Variants in MCCC1 observed in about 807,000 individuals in gnomAD.
MCCC1 encodes the protein methylcrotonyl-CoA carboxylase subunit 1, also known as methylcrotonoyl-CoA carboxylase subunit alpha, mitochondrial.
MCCC1 carries 64 observed loss-of-function variants against 83.8 expected under a neutral mutation model. The observed-to-expected ratio is 0.76, with a 90% CI of 0.62 to 0.94. The LOEUF (loss-of-function observed/expected upper bound fraction) is 0.94. MCCC1 is among the 40% of genes least tolerant of loss of function. The probability of loss-of-function intolerance (pLI) is 0.00; values close to 1 mark genes in which losing one functional copy is unlikely to be tolerated. For synonymous variants in MCCC1, 322 were observed against 315.4 expected (o/e 1.02, Z -0.22); for missense variants, 807 against 904.7 (o/e 0.89, Z 1.39).
intron 1 of MCCC1, among the ~76,000 whole-genome samples, chr3:183,097,651 C>T (rs1718838164): frequency 6.6e-6 from 1 of 152,150 alleles, no homozygotes; most frequent in Admixed American, 6.6e-5. Flanking sequence ...CACCTTGGAT[C>T]CCACAGTGCT....
rs150305281 is a variant in MCCC1, at chr3:183,017,281, G to A, written c.2034C>T (p.Ile678=). The change falls in exon 18 of 19, where the codon ATC becomes ATT. Residue 678 remains isoleucine (I), a synonymous_variant. Coordinates refer to ENST00000265594, the MANE Select transcript of MCCC1 (RefSeq NM_020166.5). ...ATTTCCTTACCTCCATCTTCATGGC[G>A]ATCATAACCATGAGGGAATCTCCCG... ...VKAGDSLMVM[I]AMKMEHTIKS... 103 of 1,613,580 alleles carry A rather than the reference G, an allele frequency of 6.4e-5. No individual in the cohort carries two copies. In the African/African-American group the frequency reaches 1.1e-3, roughly 17 times the overall value.
intron 4 of MCCC1, among the ~76,000 whole-genome samples, chr3:183,076,572 T>C (rs1717091170): frequency 6.6e-6 from 1 of 152,198 alleles, no homozygotes; most frequent in African/African-American, 2.4e-5. Flanking sequence ...AGAATACATT[T>C]AACTTTTCTA....
At chr3:183,097,745 C>A (rs1376306587) in intron 1 of MCCC1, among the ~76,000 whole-genome samples, 1 of 152,178 alleles carries the variant, frequency 6.6e-6, no homozygotes, top group Non-Finnish European at 1.5e-5. Flanking sequence ...CTCTAACACT[C>A]TCCAGAGTGA....
Position 183,039,136 on chromosome 3 carries a change from C to T in MCCC1, c.1268-1G>A, listed in dbSNP as rs1191868168. 1.2e-6 allele frequency: 2 copies of T among 1,614,028 alleles called. No individual in the cohort carries two copies. The highest frequency in any genetic ancestry group is 2.2e-5 in the East Asian group (1 of 44,900). Reference sequence around the variant, plus strand: ...TCATAATGCACGGAAACTTCGTCTCCTGAAATTGAAAACCACGGTAACCTC... The same window carrying T: ...TCATAATGCACGGAAACTTCGTCTCTTGAAATTGAAAACCACGGTAACCTC... On this transcript the variant is annotated splice_acceptor_variant, in intron 11 of 18. Coordinates refer to ENST00000265594, the MANE Select transcript of MCCC1 (RefSeq NM_020166.5). LOFTEE classifies it high-confidence loss of function.
intron 4 of MCCC1, among the ~76,000 whole-genome samples, chr3:183,082,469 T>C (rs1717582704): frequency 6.6e-6 from 1 of 152,206 alleles, no homozygotes; most frequent in African/African-American, 2.4e-5. Flanking sequence ...AGTCCATTGT[T>C]TACTTAAACT....
At position 183,039,107 on chromosome 3, in the gene MCCC1, G is replaced by A; in HGVS notation, c.1296C>T (p.Pro432=). The change falls in exon 12 of 19, where the codon CCC becomes CCT. Residue 432 remains proline (P), a synonymous_variant. Transcript: ENST00000265594. The part of the protein sequence containing the change: ...QGDEVSVHYD[P]MIAKLVVWAA... ...CCCACACGACCAGCTTCGCAATCAT[G>A]GGGTCATAATGCACGGAAACTTCGT... 1 of 1,614,204 alleles carries A rather than the reference G, an allele frequency of 6.2e-7. No homozygotes were observed. The highest frequency in any genetic ancestry group is 1.1e-5 in the South Asian group (1 of 91,080).
intron 7 of MCCC1, among the ~76,000 whole-genome samples, chr3:183,065,556 C>T (rs2314737): frequency 0.56 from 84,230 of 151,552 alleles, 28,702 homozygotes; most frequent in Non-Finnish European, 0.76. Flanking sequence ...AAGTGAAATG[C>T]GTTTTTTTTG....
intron 2 of MCCC1, among the ~76,000 whole-genome samples, chr3:183,094,072 G>A (rs1415721969): frequency 2.9e-5 from 4 of 137,096 alleles, no homozygotes; most frequent in African/African-American, 8.3e-5. Context: ...TTTTTGAGAC[G>A]AAGTCTTGCT....
At chr3:183,105,073 G>T (rs1221035525) in intron 1 of MCCC1, among the ~76,000 whole-genome samples, 2 of 152,212 alleles carry the variant, frequency 1.3e-5, no homozygotes, top group African/African-American at 4.8e-5. Flanking sequence ...GGCCGGGTGT[G>T]GTGGCTCACG....
At chr3:183,041,431 C>G in intron 11 of MCCC1, 136 bp downstream of exon 11, 1 of 955,594 alleles carries the variant, frequency 1.0e-6, no homozygotes, top group Non-Finnish European at 1.6e-6. Flanking sequence ...GTAATGGTTA[C>G]TGAGAAATCA....
intron 16 of MCCC1, among the ~76,000 whole-genome samples, chr3:183,020,785 C>T (rs1167315128): frequency 6.6e-6 from 1 of 152,168 alleles, no homozygotes; most frequent in Non-Finnish European, 1.5e-5. Context: ...TTAGGCTGGG[C>T]GCCGTGGCTC....
At chr3:183,048,359 A>G (rs1387753954) in intron 9 of MCCC1, among the ~76,000 whole-genome samples, 1 of 152,388 alleles carries the variant, frequency 6.6e-6, no homozygotes, top group African/African-American at 2.4e-5. Flanking sequence ...TAGATTAAAA[A>G]ACAAAAGACA....
At chr3:183,106,566 T>C (rs923088470) in intron 1 of MCCC1, among the ~76,000 whole-genome samples, 1 of 151,322 alleles carries the variant, frequency 6.6e-6, no homozygotes, top group East Asian at 1.9e-4. Flanking sequence ...GGGTGCAATC[T>C]CAGCTCACTG....
At chr3:183,100,936 T>G (rs1466761445), upstream of MCCC1, among the ~76,000 whole-genome samples, 1 of 152,192 alleles carries the variant, frequency 6.6e-6, no homozygotes, top group Non-Finnish European at 1.5e-5. Context: ...GTGCGGCACT[T>G]GCGGGCCAGC....
At chr3:183,094,634 A>G (rs377703969) in intron 1 of MCCC1, 29 bp from the exon 2 acceptor site, 21 of 1,600,012 alleles carry the variant, frequency 1.3e-5, no homozygotes, top group African/African-American at 4.0e-5. Context: ...AGGAATTACA[A>G]TTAAACAGAA....
At chr3:183,099,848 G>A (rs1719043672), upstream of MCCC1, among the ~76,000 whole-genome samples, 1 of 152,196 alleles carries the variant, frequency 6.6e-6, no homozygotes. Context: ...CGGATGGACA[G>A]CAGGATACAC....
chr3:183,113,883 G>T (rs996482466), intron 1 of MCCC1, among the ~76,000 whole-genome samples: 3 of 152,108 alleles, frequency 2.0e-5, no homozygotes, highest in African/African-American at 7.2e-5. Context: ...CTTGCAACTG[G>T]CATCAGAAGT....
At chr3:183,031,371 G>A (rs1047759711) in intron 14 of MCCC1, among the ~76,000 whole-genome samples, 3 of 152,032 alleles carry the variant, frequency 2.0e-5, no homozygotes, top group African/African-American at 7.2e-5. Flanking sequence ...TCTGTGAAAC[G>A]TGGCCTCTAG....
At chr3:183,102,016 C>T (rs958782252), upstream of MCCC1, among the ~76,000 whole-genome samples, 4 of 152,148 alleles carry the variant, frequency 2.6e-5, no homozygotes, top group African/African-American at 7.2e-5. Flanking sequence ...ACTCCAGACG[C>T]GCCGCCTTAA....
Sources: gnomAD v4.1 joint callset for allele counts (sites outside exome capture counted in the v4.1 genomes callset) on GRCh38, gnomAD v4.1.1 for gene constraint, MANE v1.5 for transcripts, NCBI Gene and HGNC (gene_info 2026-07-23, HGNC 2026-07-21) for gene names.